The following RASGRF2 variants were observed in gnomAD, a reference collection of about 807,000 sequenced individuals.
RASGRF2 encodes the protein ras-specific guanine nucleotide-releasing factor 2.
In RASGRF2, 76 loss-of-function variants were observed where a neutral mutation model predicts 151.0. The ratio of observed to expected loss-of-function variants is 0.50; its 90% CI spans 0.42 to 0.61. RASGRF2 has a LOEUF of 0.61. RASGRF2 is among the 20% of genes least tolerant of loss of function. The pLI is 0.00. For synonymous variants in RASGRF2, 504 were observed against 566.5 expected, an observed-to-expected ratio of 0.89 and a Z score of 1.57; for missense variants, 1,148 against 1,564.6, an observed-to-expected ratio of 0.73 and a Z score of 4.49.
chr5:81,188,983 C>G (rs898621479), intron 18 of RASGRF2, among the ~76,000 whole-genome samples: 4 of 152,244 alleles, frequency 2.6e-5, no homozygotes, highest in African/African-American at 9.6e-5. Context: ...AATGCTTTCC[C>G]TGTTTCTCAA....
chr5:80,998,521 C>G (rs954950686), intron 1 of RASGRF2, among the ~76,000 whole-genome samples: 3 of 152,198 alleles, frequency 2.0e-5, no homozygotes, highest in Non-Finnish European at 4.4e-5. Context: ...GCTTCTTTAT[C>G]TTTAAGAAAT....
At chr5:81,192,607 C>A (rs879649232) in intron 18 of RASGRF2, among the ~76,000 whole-genome samples, 5 of 152,188 alleles carry the variant, frequency 3.3e-5, no homozygotes, top group Non-Finnish European at 5.9e-5. Flanking sequence ...AGGCTCTCAT[C>A]CCAGGTTTTA....
intron 9 of RASGRF2, among the ~76,000 whole-genome samples, chr5:81,090,087 C>G (rs1336717507): frequency 6.6e-6 from 1 of 152,108 alleles, no homozygotes; most frequent in Non-Finnish European, 1.5e-5. Context: ...AGACATGGAC[C>G]TTTCTGGTAT....
At chr5:80,976,072 G>C in intron 1 of RASGRF2, among the ~76,000 whole-genome samples, 1 of 152,170 alleles carries the variant, frequency 6.6e-6, no homozygotes, top group East Asian at 1.9e-4. Context: ...TCAAACTCCT[G>C]ACCTCAGGTG....
intron 5 of RASGRF2, 67 bp downstream of exon 5, chr5:81,073,519 C>T: frequency 6.7e-7 from 1 of 1,495,184 alleles, no homozygotes. Context: ...AGAATTTTTA[C>T]TTAATCTTTA....
At chr5:81,100,538 TC>T (rs1358698632) in intron 12 of RASGRF2, among the ~76,000 whole-genome samples, 2 of 152,292 alleles carry the variant, frequency 1.3e-5, no homozygotes, top group East Asian at 3.9e-4. Context: ...CAATAATTCT[TC>T]CCCTTTTTCA....
Position 81,070,542 on chromosome 5 carries a change from C to A in RASGRF2, c.594C>A (p.Asn198Lys), listed in dbSNP as rs905384220. Residue 198 changes from asparagine (N) to lysine (K), a missense_variant, in exon 4 of 27, where the codon AAC becomes AAA. Around this residue, in one of 5 missense-constraint regions of RASGRF2, gnomAD observed 221 missense variants for 271.3 expected, o/e 0.81. Coordinates refer to ENST00000265080, the MANE Select transcript of RASGRF2 (RefSeq NM_006909.3). ...AACGAATGCGACCTTACCAAAGCAA[C>A]CAAGAAGACGAAGATCCAGACATCA... ...TKERMRPYQS[N>K]QEDEDPDIKK... The A allele has an allele frequency of 1.2e-5, 19 of 1,611,352 alleles. No individual in the cohort carries two copies. Among genetic ancestry groups the A allele is most frequent in the Non-Finnish European group, 1.5e-5 (18 of 1,177,674 alleles).
In RASGRF2 at chr5:81,080,500, C is replaced by T. The variant is rs141562020; in HGVS notation, c.968-96C>T. On this transcript the variant is annotated intron_variant, in intron 6 of 26. Transcript: ENST00000265080. ...GGGTTGCGGCTCCATGCATGTGTGA[C>T]ACCTGGTGCTGGGACCCACTCTTTG... 8.3e-4 allele frequency: 1,069 copies of T among 1,283,854 alleles called. 8 individuals carry two copies. The African/African-American group carries it at 0.013, about 16-fold the overall frequency. The allele number at this position is 1,283,854 out of a possible 1,614,324, so 79.5% of individuals were successfully genotyped here.
chr5:81,207,208 C>G, intron 20 of RASGRF2, 38 bp from the exon 21 acceptor site: 1 of 1,584,362 alleles, frequency 6.3e-7, no homozygotes, highest in Non-Finnish European at 8.7e-7. Flanking sequence ...CAGGCGCCCT[C>G]TCCTGGGTGT....
intron 7 of RASGRF2, among the ~76,000 whole-genome samples, chr5:81,082,821 C>T (rs375426874): frequency 9.9e-5 from 15 of 152,198 alleles, no homozygotes; most frequent in East Asian, 7.7e-4. Flanking sequence ...AAGAGTTGAG[C>T]CAGAATTGTC....
chr5:81,090,127 G>T (rs367798619), intron 9 of RASGRF2, among the ~76,000 whole-genome samples: 6 of 152,176 alleles, frequency 3.9e-5, no homozygotes, highest in Admixed American at 2.0e-4. Flanking sequence ...TAAGTCATGC[G>T]CTTTCAATGT....
chr5:81,147,034 T>A (rs1379064310), intron 17 of RASGRF2, among the ~76,000 whole-genome samples: 1 of 152,104 alleles, frequency 6.6e-6, no homozygotes, highest in Non-Finnish European at 1.5e-5. Flanking sequence ...GGTCATCTAG[T>A]TGAAAAGGTT....
intron 1 of RASGRF2, among the ~76,000 whole-genome samples, chr5:81,031,722 A>T (rs1398475523): frequency 1.3e-5 from 2 of 152,198 alleles, no homozygotes; most frequent in Admixed American, 6.5e-5. Context: ...TGACACCCTA[A>T]CATCACAATT....
chr5:81,156,771 C>T (rs1038950427), intron 17 of RASGRF2, among the ~76,000 whole-genome samples: 3 of 152,118 alleles, frequency 2.0e-5, no homozygotes, highest in Non-Finnish European at 4.4e-5. Context: ...ACAATATCAA[C>T]GATGCCTGCT....
chr5:80,989,161 G>A (rs1748569437), intron 1 of RASGRF2, among the ~76,000 whole-genome samples: 1 of 151,946 alleles, frequency 6.6e-6, no homozygotes, highest in South Asian at 2.1e-4. Flanking sequence ...AGTAGAGATG[G>A]GGTTTCTCCA....
intron 1 of RASGRF2, among the ~76,000 whole-genome samples, chr5:80,978,703 C>G (rs781127968): frequency 6.6e-6 from 1 of 151,944 alleles, no homozygotes; most frequent in Non-Finnish European, 1.5e-5. Context: ...GGGAGAATCA[C>G]GTGAACCCAG....
chr5:81,087,076 G>A, intron 9 of RASGRF2, 123 bp downstream of exon 9: 1 of 891,164 alleles, frequency 1.1e-6, no homozygotes. Context: ...ACCCCCCCAC[G>A]GCCTTCGCCG....
chr5:81,103,829 A>G (rs1752769439), intron 12 of RASGRF2, among the ~76,000 whole-genome samples: 1 of 152,206 alleles, frequency 6.6e-6, no homozygotes, highest in African/African-American at 2.4e-5. Context: ...ATGTATACAT[A>G]TATGAGATTG....
At chr5:81,206,192 C>T in intron 19 of RASGRF2, among the ~76,000 whole-genome samples, 1 of 152,094 alleles carries the variant, frequency 6.6e-6, no homozygotes, top group Non-Finnish European at 1.5e-5. Context: ...TATTCATTCA[C>T]TCATTCATTC....
Sources: allele counts gnomAD v4.1 joint callset (sites outside exome capture counted in the v4.1 genomes callset), GRCh38; gene constraint gnomAD v4.1.1; regional missense constraint gnomAD v4.1.1; transcripts MANE v1.5; gene names NCBI Gene and HGNC (gene_info 2026-07-23, HGNC 2026-07-21).